The following WDR27 variants were observed in gnomAD, a reference collection of about 807,000 sequenced individuals.
WDR27 encodes the protein WD repeat-containing protein 27.
WDR27 carries 100 observed loss-of-function variants against 114.4 expected under a neutral mutation model. That is an observed-to-expected ratio of 0.87 (90% CI 0.74 to 1.03). The LOEUF (loss-of-function observed/expected upper bound fraction) is 1.03. Ranked by LOEUF, WDR27 falls within the 50% of genes least tolerant of loss-of-function variation. WDR27 has a pLI of 0.00. For missense variants in WDR27, 1,129 were observed against 1,092.9 expected, an observed-to-expected ratio of 1.03 and a Z score of -0.47; for synonymous variants, 449 against 423.1, an observed-to-expected ratio of 1.06 and a Z score of -0.75.
intron 25 of WDR27, among the ~76,000 whole-genome samples, chr6:169,483,559 C>A (rs1447540574): frequency 6.6e-6 from 1 of 152,146 alleles, no homozygotes; most frequent in African/African-American, 2.4e-5. Context: ...GTTTTCAAAG[C>A]TGAGTTGTAC....
chr6:169,566,537 G>T (rs750175217), intron 25 of WDR27, among the ~76,000 whole-genome samples: 35 of 152,216 alleles, frequency 2.3e-4, no homozygotes, highest in Admixed American at 1.3e-4. Context: ...ATATTTTGAC[G>T]ATGACCATTA....
intron 6 of WDR27, among the ~76,000 whole-genome samples, chr6:169,666,099 A>C (rs1827761772): frequency 6.6e-6 from 1 of 152,258 alleles, no homozygotes; most frequent in South Asian, 2.1e-4. Flanking sequence ...TAGGAGCATT[A>C]GATAAATGAA....
At position 169,684,185 on chromosome 6, in the gene WDR27, A is replaced by T. The variant is rs116048309; in HGVS notation, c.189+4632T>A. 1.3e-5 allele frequency among the ~76,000 whole-genome samples: 2 copies of T among 151,790 alleles called. No individual in the cohort carries two copies. The highest frequency in any genetic ancestry group is 3.9e-4 in the East Asian group (2 of 5,156). On this transcript the variant is annotated intron_variant, in intron 2 of 25. Transcript: ENST00000448612. The surrounding 1 kb of genome is among the most constrained non-coding windows in gnomAD (Gnocchi z 4.3). ...CTTCCAGCCAGAGAAACAACCCAGC[A>T]CTCCTGCCAAGGACAAACCTGCCCT...
At chr6:169,520,815 G>A (rs1794282477) in intron 25 of WDR27, among the ~76,000 whole-genome samples, 2 of 151,816 alleles carry the variant, frequency 1.3e-5, no homozygotes, top group African/African-American at 2.4e-5. Context: ...TCAAAGACAG[G>A]TTACCTGAAA....
At chr6:169,628,165 G>A (rs1479099011) in intron 21 of WDR27, among the ~76,000 whole-genome samples, 1 of 152,046 alleles carries the variant, frequency 6.6e-6, no homozygotes, top group Non-Finnish European at 1.5e-5. Context: ...GAGGTTTCAA[G>A]GAGTTTGTAT....
chr6:169,555,237 CA>C (rs1798710560), intron 25 of WDR27, among the ~76,000 whole-genome samples: 1 of 152,162 alleles, frequency 6.6e-6, no homozygotes, highest in Non-Finnish European at 1.5e-5. Context: ...AACTTCATTT[CA>C]GGGGATGTCT....
At chr6:169,637,656 G>A (rs966711753) in intron 18 of WDR27, among the ~76,000 whole-genome samples, 19 of 152,068 alleles carry the variant, frequency 1.2e-4, no homozygotes, top group African/African-American at 4.4e-4. Flanking sequence ...GCATCTCCAT[G>A]TGTGTGAATA....
At chr6:169,428,556 A>C in the WDR27 span, among the ~76,000 whole-genome samples, 1 of 149,648 alleles carries the variant, frequency 6.7e-6, no homozygotes, top group Non-Finnish European at 1.5e-5. Flanking sequence ...CCACGGGTTA[A>C]ATCAAACAGC....
intron 25 of WDR27, among the ~76,000 whole-genome samples, chr6:169,533,103 G>C (rs184319947): frequency 5.3e-5 from 8 of 152,320 alleles, no homozygotes; most frequent in Non-Finnish European, 1.0e-4. Context: ...GACCTGCTCA[G>C]AGGAAGACAG....
Position 169,693,473 on chromosome 6 carries a change from A to AC in WDR27, c.-7-4462dup, listed in dbSNP as rs1202093689. On this transcript the variant is annotated intron_variant, in intron 1 of 25. Coordinates refer to ENST00000448612, the MANE Select transcript of WDR27 (RefSeq NM_182552.5). The stretch of plus-strand genomic sequence containing the variant: ...GAACTAACATAATGAATAGAGCAGT[A>AC]CCCCACAGCTCAATACTAACGCTGA... 4.6e-5 allele frequency among the ~76,000 whole-genome samples: 7 copies of AC among 152,310 alleles called. No individual in the cohort carries two copies. In the South Asian group the frequency reaches 1.2e-3, roughly 27 times the overall value.
At chr6:169,662,640 C>T (rs1316043616) in intron 8 of WDR27, among the ~76,000 whole-genome samples, 1 of 149,888 alleles carries the variant, frequency 6.7e-6, no homozygotes, top group Non-Finnish European at 1.5e-5. Context: ...TAAGGTAACA[C>T]CCAGCATGAC....
At chr6:169,541,873 T>G (rs983758006) in intron 25 of WDR27, among the ~76,000 whole-genome samples, 14 of 152,330 alleles carry the variant, frequency 9.2e-5, no homozygotes, top group South Asian at 2.1e-4. Context: ...ATTAATTATT[T>G]TCTTAATGAA....
chr6:169,553,568 A>C (rs1201110197), intron 25 of WDR27, among the ~76,000 whole-genome samples: 1 of 152,118 alleles, frequency 6.6e-6, no homozygotes, highest in African/African-American at 2.4e-5. Flanking sequence ...TCTGTCATTT[A>C]GTAACTTAGT....
At chr6:169,532,519 A>G (rs1333419803) in intron 25 of WDR27, among the ~76,000 whole-genome samples, 2 of 152,190 alleles carry the variant, frequency 1.3e-5, no homozygotes, top group East Asian at 3.8e-4. Context: ...AACTGCCTCA[A>G]CTTCCTATTT....
At position 169,651,942 on chromosome 6, in the gene WDR27, G is replaced by C; in HGVS notation, c.1469C>G (p.Ala490Gly). Residue 490 changes from alanine (A) to glycine (G), a missense_variant, in exon 14 of 26, where the codon GCG becomes GGG. Coordinates refer to ENST00000448612, the MANE Select transcript of WDR27 (RefSeq NM_182552.5). ...TGAGTTCACTCACTGTGGTGCTGACGCATAACCAGATGACCTAACTTTACT... is the reference window on the plus strand; with the variant it reads ...TGAGTTCACTCACTGTGGTGCTGACCCATAACCAGATGACCTAACTTTACT... Reference protein sequence around the residue: ...FHSKVRSSGYASAPHVTMFSP... With the variant: ...FHSKVRSSGYGSAPHVTMFSP... 2.5e-6 allele frequency: 4 copies of C among 1,613,608 alleles called. No homozygotes were observed. Among genetic ancestry groups the C allele is most frequent in the Non-Finnish European group, 3.4e-6 (4 of 1,179,772 alleles).
chr6:169,665,597 C>A (rs1191008816), intron 6 of WDR27, 41 bp from the exon 7 acceptor site: 1 of 1,589,684 alleles, frequency 6.3e-7, no homozygotes, highest in Non-Finnish European at 8.6e-7. Context: ...TTGTAAGTGC[C>A]TGGTACCAAT....
At chr6:169,597,705 C>T (rs1410189072) in intron 23 of WDR27, among the ~76,000 whole-genome samples, 1 of 152,086 alleles carries the variant, frequency 6.6e-6, no homozygotes, top group Non-Finnish European at 1.5e-5. Flanking sequence ...TGTTTCTTGC[C>T]CTCCTTAGCT....
At chr6:169,538,542 T>C (rs116720087) in intron 25 of WDR27, among the ~76,000 whole-genome samples, 260 of 152,280 alleles carry the variant, frequency 1.7e-3, no homozygotes, top group African/African-American at 5.8e-3. Flanking sequence ...CAGAAATAGA[T>C]ATTTTCCTTC....
intron 3 of WDR27, chr6:169,670,977 C>T: frequency 3.0e-6 from 1 of 335,140 alleles, no homozygotes; most frequent in Non-Finnish European, 5.4e-6. Context: ...GAGAATCATG[C>T]ACATCAAACT....
Sources: gnomAD v4.1 joint callset for allele counts (sites outside exome capture counted in the v4.1 genomes callset) on GRCh38, gnomAD v4.1.1 for gene constraint, Gnocchi (gnomAD v3.1) non-coding constraint, MANE v1.5 for transcripts, NCBI Gene and HGNC (gene_info 2026-07-23, HGNC 2026-07-21) for gene names.